The following OR9Q1 variants were observed in gnomAD, a reference collection of about 807,000 sequenced individuals.
OR9Q1 encodes olfactory receptor family 9 subfamily Q member 1, also known as olfactory receptor 9Q1.
For synonymous variants in OR9Q1, 153 were observed against 148.6 expected (o/e 1.03, Z -0.22); for missense variants, 374 against 378.8 (o/e 0.99, Z 0.11).
rs1423894003 is a variant in OR9Q1 at position 58,102,302 on chromosome 11, C to A, written c.-15+46355C>A. Among the ~76,000 whole-genome samples, 4 of 151,870 alleles carry A rather than the reference C, an allele frequency of 2.6e-5. No individual in the cohort carries two copies. In the East Asian group the frequency reaches 7.8e-4, roughly 29 times the overall value. ...TTTTTCCTCTCATTATTTATCTTTGCAGTTTAGTGTTTTTCTGTATTGATA... is the reference window on the plus strand; with the variant it reads ...TTTTTCCTCTCATTATTTATCTTTGAAGTTTAGTGTTTTTCTGTATTGATA... On this transcript the variant is annotated intron_variant, in intron 2 of 2. Coordinates refer to ENST00000335397, the MANE Select transcript of OR9Q1 (RefSeq NM_001005212.4).
chr11:58,175,178 A>G (rs1195048384), intron 2 of OR9Q1, among the ~76,000 whole-genome samples: 1 of 151,090 alleles, frequency 6.6e-6, no homozygotes, highest in Non-Finnish European at 1.5e-5. Flanking sequence ...TTAGCCTCTC[A>G]GTGGATTGGG....
At chr11:58,137,087 A>C (rs1355346233) in intron 2 of OR9Q1, among the ~76,000 whole-genome samples, 3 of 152,180 alleles carry the variant, frequency 2.0e-5, no homozygotes, top group Non-Finnish European at 2.9e-5. Flanking sequence ...GATGATTCCG[A>C]TTATTCTGAC....
At chr11:58,092,080 G>GGTC (rs1853689749) in intron 2 of OR9Q1, among the ~76,000 whole-genome samples, 1 of 151,862 alleles carries the variant, frequency 6.6e-6, no homozygotes, top group African/African-American at 2.4e-5. Flanking sequence ...CACGCCAATG[G>GGTC]GTCTTGCCTC....
At chr11:58,131,327 A>G (rs1264623641) in intron 2 of OR9Q1, among the ~76,000 whole-genome samples, 2 of 152,184 alleles carry the variant, frequency 1.3e-5, no homozygotes, top group Non-Finnish European at 2.9e-5. Context: ...GGTGGCTGTT[A>G]GTGTTAGACA....
At chr11:58,115,578 A>G (rs566691048) in intron 2 of OR9Q1, among the ~76,000 whole-genome samples, 1 of 152,272 alleles carries the variant, frequency 6.6e-6, no homozygotes, top group African/African-American at 2.4e-5. Flanking sequence ...CAGAGCAGGG[A>G]AAAGCCATAA....
intron 2 of OR9Q1, chr11:58,118,660 C>T (rs772363455): frequency 8.7e-6 from 14 of 1,614,000 alleles, no homozygotes; most frequent in Non-Finnish European, 1.2e-5. Context: ...GCCTGAGCCA[C>T]TTTGCAGATA....
At chr11:58,118,257 A>G (rs1030796810) in intron 2 of OR9Q1, 4 of 358,686 alleles carry the variant, frequency 1.1e-5, no homozygotes, top group East Asian at 8.7e-5. Context: ...GACATTAGAG[A>G]ATATTAAGAG....
chr11:58,079,352 T>C (rs1339436595), intron 2 of OR9Q1, among the ~76,000 whole-genome samples: 1 of 152,124 alleles, frequency 6.6e-6, no homozygotes, highest in Non-Finnish European at 1.5e-5. Flanking sequence ...AGGAGATCCA[T>C]TATTATCCAA....
intron 2 of OR9Q1, chr11:58,109,748 T>A (rs914576285): frequency 1.6e-5 from 6 of 366,960 alleles, no homozygotes; most frequent in Admixed American, 7.2e-5. Flanking sequence ...GCGTCAGATG[T>A]TAAGTAAATG....
In OR9Q1 at chr11:58,139,458, A is replaced by AGT. The variant is rs1287559745; in HGVS notation, c.-14-39967_-14-39966dup. On this transcript the variant is annotated intron_variant, in intron 2 of 2. Coordinates refer to ENST00000335397, the MANE Select transcript of OR9Q1 (RefSeq NM_001005212.4). Reference sequence around the variant, plus strand: ...CTCCCCCCACCCCACAACAGTCCCCAGTGTGTGATGTTCCCCTTCCTGTGT... The same window carrying AGT: ...CTCCCCCCACCCCACAACAGTCCCCAGTGTGTGTGATGTTCCCCTTCCTGTGT... Among the ~76,000 whole-genome samples the AGT allele has an allele frequency of 6.1e-5, 9 of 147,702 alleles. No homozygotes were observed. In the East Asian group the frequency reaches 1.9e-3, roughly 30 times the overall value.
rs148761055 is a variant in OR9Q1 at position 58,104,103 on chromosome 11, A to G, written c.-15+48156A>G. The stretch of plus-strand genomic sequence containing the variant: ...GCATCTAAGCCAAACTCAATTAATC[A>G]GAATCCTTCTCTGGGAATATTATTA... On this transcript the variant is annotated intron_variant, in intron 2 of 2. Coordinates refer to ENST00000335397, the MANE Select transcript of OR9Q1 (RefSeq NM_001005212.4). Among the ~76,000 whole-genome samples, 771 of 152,352 alleles carry G rather than the reference A, an allele frequency of 5.1e-3. 6 individuals carry two copies. The highest frequency in any genetic ancestry group is 0.014 in the Middle Eastern group (4 of 294).
intron 2 of OR9Q1, among the ~76,000 whole-genome samples, chr11:58,151,975 A>G (rs1373727350): frequency 6.6e-6 from 1 of 152,150 alleles, no homozygotes; most frequent in Non-Finnish European, 1.5e-5. Flanking sequence ...GAACCTTGAC[A>G]TAGAGATTAT....
At chr11:58,118,725 T>C (rs375927234) in intron 2 of OR9Q1, 41 of 1,613,954 alleles carry the variant, frequency 2.5e-5, no homozygotes, top group Non-Finnish European at 3.4e-5. Flanking sequence ...GAGAGGCACA[T>C]GTGGAGAAAG....
chr11:58,173,713 C>A (rs1854577817), intron 2 of OR9Q1, among the ~76,000 whole-genome samples: 1 of 152,098 alleles, frequency 6.6e-6, no homozygotes, highest in African/African-American at 2.4e-5. Context: ...GTTGGGAGGG[C>A]ATAGCAACAT....
At chr11:58,103,132 A>T (rs149576725) in intron 2 of OR9Q1, among the ~76,000 whole-genome samples, 3 of 152,168 alleles carry the variant, frequency 2.0e-5, no homozygotes, top group East Asian at 1.9e-4. Context: ...ACAGTTCCAC[A>T]GGGCTGGGGA....
chr11:58,026,349 A>G (rs1336620606), intron 1 of OR9Q1, among the ~76,000 whole-genome samples: 1 of 152,102 alleles, frequency 6.6e-6, no homozygotes, highest in African/African-American at 2.4e-5. Flanking sequence ...ATTTTTTCCC[A>G]ACTTTTATAT....
chr11:58,088,083 C>T (rs184084486), intron 2 of OR9Q1, among the ~76,000 whole-genome samples: 103 of 151,964 alleles, frequency 6.8e-4, no homozygotes, highest in Admixed American at 1.5e-3. Flanking sequence ...TCAAATGATC[C>T]ACCTGCCTTG....
In OR9Q1 at chr11:58,052,789, G is replaced by C. The variant is rs965167726; in HGVS notation, c.-92-3081G>C. Among the ~76,000 whole-genome samples, 759 of 150,392 alleles carry C rather than the reference G, an allele frequency of 5.0e-3. 4 individuals carry two copies. The highest frequency in any genetic ancestry group is 0.01 in the Middle Eastern group (3 of 292). The stretch of plus-strand genomic sequence containing the variant: ...CAACCCCATCAAATAGTGGGCGAAG[G>C]ACATGAACAGACACTTCTCAAAAGA... On this transcript the variant is annotated intron_variant, in intron 1 of 2. Coordinates refer to ENST00000335397, the MANE Select transcript of OR9Q1 (RefSeq NM_001005212.4).
chr11:58,076,010 A>G (rs1030807328), intron 2 of OR9Q1, among the ~76,000 whole-genome samples: 1 of 152,122 alleles, frequency 6.6e-6, no homozygotes, highest in African/African-American at 2.4e-5. Flanking sequence ...ATACAGTCAC[A>G]CTCGTTTGTT....
Sources: gnomAD v4.1 joint callset for allele counts (sites outside exome capture counted in the v4.1 genomes callset) on GRCh38, gnomAD v4.1.1 for gene constraint, MANE v1.5 for transcripts, NCBI Gene and HGNC (gene_info 2026-07-23, HGNC 2026-07-21) for gene names.